AGR2: variants seen among roughly 807,000 people sequenced by gnomAD.
The protein encoded by AGR2 is anterior gradient protein 2 homolog.
A neutral mutation model predicts 25.9 loss-of-function variants in AGR2; 27 were observed. The observed-to-expected ratio is 1.04, with a 90% CI of 0.77 to 1.44. AGR2 has a LOEUF of 1.44. Among genes scored for constraint, AGR2 ranks in the 40% most tolerant of loss-of-function variants. The pLI is 0.00. For missense variants in AGR2, 182 were observed against 200.9 expected, an observed-to-expected ratio of 0.91 and a Z score of 0.57; for synonymous variants, 78 against 72.0, an observed-to-expected ratio of 1.08 and a Z score of -0.42.
At chr7:16,798,199 G>A (rs1785081020) in intron 5 of AGR2, among the ~76,000 whole-genome samples, 1 of 152,206 alleles carries the variant, frequency 6.6e-6, no homozygotes, top group African/African-American at 2.4e-5. Context: ...TACGGTGTAG[G>A]ATATGCAGGT....
In AGR2 at chr7:16,792,712, C is replaced by T. The variant is rs1380808600; in HGVS notation, c.*196G>A. 1 of 592,262 alleles carries T rather than the reference C, an allele frequency of 1.7e-6. No homozygotes were observed. Among genetic ancestry groups the T allele is most frequent in the Non-Finnish European group, 3.0e-6 (1 of 331,644 alleles). The allele number at this position is 592,262 out of a possible 1,614,324, so 36.7% of individuals were successfully genotyped here. A position where few individuals can be genotyped will look rare whatever the true frequency, so the allele number is the denominator to read the frequency against. On this transcript the variant is annotated 3_prime_UTR_variant, in exon 8 of 8. Coordinates refer to ENST00000419304, the MANE Select transcript of AGR2 (RefSeq NM_006408.4). Reference sequence around the variant, plus strand: ...AATCATGGCTCACTATGGTAGTATACAATATTGTTTTCACACATGTACACT... The same window carrying T: ...AATCATGGCTCACTATGGTAGTATATAATATTGTTTTCACACATGTACACT...
At chr7:16,799,474 T>G (rs1195129904) in intron 5 of AGR2, 8 of 381,328 alleles carry the variant, frequency 2.1e-5, no homozygotes, top group Non-Finnish European at 2.8e-5. Context: ...GCACAGCAAG[T>G]AACAAAAACC....
chr7:16,794,889 G>C (rs1173603688), intron 7 of AGR2, 47 bp downstream of exon 7: 1 of 1,612,964 alleles, frequency 6.2e-7, no homozygotes, highest in East Asian at 2.2e-5. Flanking sequence ...TACAGCAATA[G>C]AGGTGTTCAA....
intron 5 of AGR2, 39 bp downstream of exon 5, chr7:16,799,705 C>T (rs367829433): frequency 2.1e-5 from 30 of 1,431,646 alleles, no homozygotes; most frequent in Non-Finnish European, 2.9e-5. Context: ...AAGTAATGAG[C>T]CATAGAGAAA....
chr7:16,801,584 G>A (rs866193672), intron 2 of AGR2, 74 bp downstream of exon 2: 21 of 1,587,640 alleles, frequency 1.3e-5, no homozygotes, highest in Non-Finnish European at 1.8e-5. Context: ...TTAGAACCAG[G>A]TTTAAGCACC....
At position 16,792,127 on chromosome 7, in the gene AGR2, T is replaced by A. The variant is rs1358616346; in HGVS notation, c.*781A>T. On this transcript the variant is annotated 3_prime_UTR_variant, in exon 8 of 8. Coordinates refer to ENST00000419304, the MANE Select transcript of AGR2 (RefSeq NM_006408.4). Reference sequence around the variant, plus strand: ...TTTGCTCTTCTTCCAATTAGTCACATGTTGGCTGAATTTATTTCACTCCAG... The same window carrying A: ...TTTGCTCTTCTTCCAATTAGTCACAAGTTGGCTGAATTTATTTCACTCCAG... 6.6e-6 allele frequency: 1 copy of A among 152,252 alleles called. No homozygotes were observed. The highest frequency in any genetic ancestry group is 1.5e-5 in the Non-Finnish European group (1 of 68,074). The allele number at this position is 152,252 out of a possible 1,614,324, so 9.4% of individuals were successfully genotyped here. A position where few individuals can be genotyped will look rare whatever the true frequency, so the allele number is the denominator to read the frequency against.
chr7:16,796,737 T>G (rs1785050928), intron 6 of AGR2, among the ~76,000 whole-genome samples: 1 of 152,130 alleles, frequency 6.6e-6, no homozygotes, highest in African/African-American at 2.4e-5. Flanking sequence ...AACTGCAAAA[T>G]TATACCTGAG....
At chr7:16,799,444 C>A in intron 5 of AGR2, 1 of 289,836 alleles carries the variant, frequency 3.5e-6, no homozygotes, top group East Asian at 6.9e-5. Flanking sequence ...TGTAGAGAAG[C>A]CAGGACTATA....
chr7:16,799,418 C>G (rs1472030622), intron 5 of AGR2, among the ~76,000 whole-genome samples: 1 of 151,966 alleles, frequency 6.6e-6, no homozygotes, highest in East Asian at 1.9e-4. Flanking sequence ...AAGAGATGAC[C>G]AGGATTAAGA....
At chr7:16,795,181 C>T (rs1486593897) in intron 6 of AGR2, among the ~76,000 whole-genome samples, 162 bp from the exon 7 acceptor site, 1 of 152,158 alleles carries the variant, frequency 6.6e-6, no homozygotes, top group East Asian at 1.9e-4. Flanking sequence ...CTACCCAGCC[C>T]CTGGCAGTTA....
intron 6 of AGR2, among the ~76,000 whole-genome samples, chr7:16,796,303 C>T (rs375478975): frequency 6.6e-6 from 1 of 152,202 alleles, no homozygotes; most frequent in Non-Finnish European, 1.5e-5. Flanking sequence ...AATTCCTGTA[C>T]AAGGTATGAA....
intron 3 of AGR2, 49 bp downstream of exon 3, chr7:16,801,271 T>G (rs774229887): frequency 6.2e-7 from 1 of 1,608,186 alleles, no homozygotes; most frequent in South Asian, 1.1e-5. Flanking sequence ...TGTCACTAGG[T>G]GGTGCTCTTG....
chr7:16,801,594 C>G (rs753585901), intron 2 of AGR2, 64 bp downstream of exon 2: 6 of 1,603,212 alleles, frequency 3.7e-6, no homozygotes, highest in African/African-American at 1.3e-5. Context: ...GTTTAAGCAC[C>G]AAGAGAGAGG....
intron 6 of AGR2, among the ~76,000 whole-genome samples, chr7:16,797,292 G>A (rs777588693): frequency 1.3e-5 from 2 of 152,120 alleles, no homozygotes; most frequent in African/African-American, 4.8e-5. Context: ...GTGAAAGTTT[G>A]CTGGATTAAA....
chr7:16,794,487 C>G (rs1405635164), intron 7 of AGR2, among the ~76,000 whole-genome samples: 1 of 152,158 alleles, frequency 6.6e-6, no homozygotes, highest in Non-Finnish European at 1.5e-5. Flanking sequence ...ATTTTCTTGG[C>G]AATCATTTGG....
At chr7:16,803,152 A>T (rs1785178996) in intron 1 of AGR2, 1 of 152,148 alleles carries the variant, frequency 6.6e-6, no homozygotes, top group South Asian at 2.1e-4. Flanking sequence ...TAGTTAAATT[A>T]CTTTTTCTTT....
At chr7:16,796,869 T>C (rs10266951) in intron 6 of AGR2, among the ~76,000 whole-genome samples, 298 of 151,986 alleles carry the variant, frequency 2.0e-3, no homozygotes, top group African/African-American at 6.9e-3. Context: ...ATATGAAAAG[T>C]ACCAGTGGCA....
At chr7:16,799,665 G>T in intron 5 of AGR2, 79 bp downstream of exon 5, 1 of 1,007,728 alleles carries the variant, frequency 9.9e-7, no homozygotes, top group Non-Finnish European at 1.5e-6. Context: ...GTATAACTAA[G>T]ATGTATAGGA....
chr7:16,804,440 C>T (rs17150186), intron 1 of AGR2, among the ~76,000 whole-genome samples: 25,475 of 152,100 alleles, frequency 0.17, 2,338 homozygotes, highest in South Asian at 0.27. Flanking sequence ...AATAGCCTAT[C>T]CCATGAATTT....
Sources: gnomAD v4.1 joint callset for allele counts (sites outside exome capture counted in the v4.1 genomes callset) on GRCh38, gnomAD v4.1.1 for gene constraint, MANE v1.5 for transcripts, NCBI Gene and HGNC (gene_info 2026-07-23, HGNC 2026-07-21) for gene names.